The following LRRC4C variants were observed in gnomAD, a reference collection of about 807,000 sequenced individuals.
The protein encoded by LRRC4C is leucine-rich repeat-containing protein 4C.
Under a neutral mutation model 33.6 loss-of-function variants are expected in LRRC4C, and 5 were observed. That is an observed-to-expected ratio of 0.15 (90% CI 0.08 to 0.31). The LOEUF (loss-of-function observed/expected upper bound fraction) is 0.31, where lower values mean the gene tolerates loss of function less well. Ranked by LOEUF, LRRC4C falls within the 10% of genes least tolerant of loss-of-function variation. The pLI, the probability that LRRC4C is intolerant of heterozygous loss-of-function variation, is 1.00. For missense variants in LRRC4C, 560 were observed against 796.7 expected (o/e 0.70, Z 3.58); for synonymous variants, 329 against 302.0 (o/e 1.09, Z -0.93).
intron 1 of LRRC4C, among the ~76,000 whole-genome samples, chr11:40,979,235 T>C (rs1205371519): frequency 2.0e-5 from 3 of 152,222 alleles, no homozygotes; most frequent in African/African-American, 7.2e-5. Flanking sequence ...TGTCAGCTTT[T>C]TCTACAATAC....
At chr11:40,344,616 CACT>C (rs1947035418) in intron 3 of LRRC4C, among the ~76,000 whole-genome samples, 1 of 152,086 alleles carries the variant, frequency 6.6e-6, no homozygotes, top group South Asian at 2.1e-4. Flanking sequence ...CCTCTCTTAC[CACT>C]ACTATTTCAA....
intron 2 of LRRC4C, among the ~76,000 whole-genome samples, chr11:40,899,862 T>C (rs924757343): frequency 1.3e-5 from 2 of 152,226 alleles, no homozygotes; most frequent in Non-Finnish European, 2.9e-5. Context: ...TTGGTTTAAG[T>C]ATGGTTCACA....
At chr11:41,107,222 A>T (rs1382728822) in intron 1 of LRRC4C, among the ~76,000 whole-genome samples, 2 of 152,024 alleles carry the variant, frequency 1.3e-5, no homozygotes, top group African/African-American at 4.8e-5. Context: ...TGGATTTTAG[A>T]TGTTCTGATT....
At chr11:41,298,830 T>A (rs894027115) in intron 1 of LRRC4C, among the ~76,000 whole-genome samples, 9 of 152,000 alleles carry the variant, frequency 5.9e-5, no homozygotes, top group Non-Finnish European at 1.2e-4. Flanking sequence ...GTGACTATTG[T>A]TTTACACTCT....
At chr11:40,460,651 T>C (rs574765347) in intron 3 of LRRC4C, among the ~76,000 whole-genome samples, 1 of 152,280 alleles carries the variant, frequency 6.6e-6, no homozygotes, top group Admixed American at 6.5e-5. Context: ...TTCACCACAA[T>C]TTCATAATTT....
intron 1 of LRRC4C, among the ~76,000 whole-genome samples, chr11:41,201,316 C>T (rs1946390203): frequency 6.6e-6 from 1 of 152,210 alleles, no homozygotes; most frequent in African/African-American, 2.4e-5. Context: ...TATTTGGAGA[C>T]GTTTAGGGAG....
At chr11:40,601,287 C>T (rs2135808392) in intron 3 of LRRC4C, among the ~76,000 whole-genome samples, 1 of 152,318 alleles carries the variant, frequency 6.6e-6, no homozygotes, top group Non-Finnish European at 1.5e-5. Flanking sequence ...TCTGAATACT[C>T]TGTGCTTAGT....
intron 1 of LRRC4C, among the ~76,000 whole-genome samples, chr11:41,055,020 C>T (rs1014395152): frequency 5.3e-5 from 8 of 152,242 alleles, no homozygotes; most frequent in Admixed American, 6.5e-5. Context: ...TGAACACTTC[C>T]GTGTAACTGC....
intron 1 of LRRC4C, among the ~76,000 whole-genome samples, chr11:41,094,943 AC>A (rs1398953023): frequency 6.6e-6 from 1 of 152,142 alleles, no homozygotes; most frequent in Non-Finnish European, 1.5e-5. Context: ...TACATCTCTG[AC>A]TTTTCTTTGG....
intron 5 of LRRC4C, among the ~76,000 whole-genome samples, chr11:40,209,479 G>T (rs1359915562): frequency 6.6e-6 from 1 of 152,128 alleles, no homozygotes; most frequent in Admixed American, 6.5e-5. Flanking sequence ...TACAATTTGG[G>T]AATTTTCTAT....
rs551148837 is a variant in LRRC4C at position 40,696,367 on chromosome 11, AGT to A, written c.-406-48091_-406-48090del. 4.0e-4 allele frequency among the ~76,000 whole-genome samples: 57 copies of A among 142,302 alleles called. 1 individual carries two copies. In the South Asian group the frequency reaches 0.012, roughly 31 times the overall value. The allele number at this position is 142,302 out of a possible 152,430, so 93.4% of individuals were successfully genotyped here. On this transcript the variant is annotated intron_variant, in intron 2 of 6. Transcript: ENST00000528697. ...TGTATATATATGTGGTATATATATG[AGT>A]GTATGTATATGGTATATATATATGA...
chr11:40,778,641 A>G (rs1490035186), intron 2 of LRRC4C, among the ~76,000 whole-genome samples: 1 of 152,156 alleles, frequency 6.6e-6, no homozygotes, highest in Non-Finnish European at 1.5e-5. Context: ...GGAGGAAGGA[A>G]AAAGGGGCTG....
intron 3 of LRRC4C, among the ~76,000 whole-genome samples, chr11:40,476,973 CA>C (rs990155863): frequency 6.6e-6 from 1 of 152,000 alleles, no homozygotes; most frequent in African/African-American, 2.4e-5. Context: ...TTTTTTCCCA[CA>C]AAAAATGGAT....
At chr11:40,292,272 C>T (rs1196265850) in intron 4 of LRRC4C, 1 of 151,992 alleles carries the variant, frequency 6.6e-6, no homozygotes, top group African/African-American at 2.4e-5. Context: ...GATCTTGATA[C>T]CAAAAGGAAT....
At chr11:40,499,102 A>AT (rs1954615444) in intron 3 of LRRC4C, among the ~76,000 whole-genome samples, 1 of 152,182 alleles carries the variant, frequency 6.6e-6, no homozygotes, top group African/African-American at 2.4e-5. Flanking sequence ...TGAAGAAACT[A>AT]TTTTAAGTGG....
chr11:40,447,540 T>A (rs534574073), intron 3 of LRRC4C, among the ~76,000 whole-genome samples: 2 of 152,336 alleles, frequency 1.3e-5, no homozygotes, highest in African/African-American at 2.4e-5. Context: ...GTTTGTATTT[T>A]ATTAAGACAA....
intron 3 of LRRC4C, among the ~76,000 whole-genome samples, chr11:40,431,191 G>A (rs1351235544): frequency 6.6e-6 from 1 of 150,734 alleles, no homozygotes; most frequent in Non-Finnish European, 1.5e-5. Flanking sequence ...CACTTTGGGA[G>A]GTTCAGGTGG....
chr11:40,446,426 A>G (rs150305445), intron 3 of LRRC4C: 127 of 152,294 alleles, frequency 8.3e-4, no homozygotes, highest in Middle Eastern at 3.4e-3. Flanking sequence ...AGTTTGTGCT[A>G]AAATTATACG....
At chr11:41,088,553 T>G (rs1200491922) in intron 1 of LRRC4C, among the ~76,000 whole-genome samples, 1 of 152,038 alleles carries the variant, frequency 6.6e-6, no homozygotes, top group African/African-American at 2.4e-5. Flanking sequence ...GAAAATAATT[T>G]GAAAATGTTG....
Sources: allele counts gnomAD v4.1 joint callset (sites outside exome capture counted in the v4.1 genomes callset), GRCh38; gene constraint gnomAD v4.1.1; transcripts MANE v1.5; gene names NCBI Gene and HGNC (gene_info 2026-07-23, HGNC 2026-07-21).